The following LPO variants were observed in gnomAD, a reference collection of about 807,000 sequenced individuals.
LPO encodes the protein salivary peroxidase.
In LPO, 70 loss-of-function variants were observed where a neutral mutation model predicts 68.4. That is an observed-to-expected ratio of 1.02 (90% CI 0.84 to 1.25). The LOEUF (loss-of-function observed/expected upper bound fraction) is 1.25. Among genes scored for constraint, LPO ranks in the 50% most tolerant of loss-of-function variants. The pLI is 0.00. For missense variants in LPO, 873 were observed against 908.4 expected (o/e 0.96, Z 0.50); for synonymous variants, 360 against 357.6 (o/e 1.01, Z -0.08).
chr17:58,246,835 T>G (rs943243503), intron 3 of LPO, among the ~76,000 whole-genome samples: 1 of 152,172 alleles, frequency 6.6e-6, no homozygotes, highest in African/African-American at 2.4e-5. Flanking sequence ...TGAATCGAAC[T>G]GTAGAAAACA....
chr17:58,254,439 A>G (rs889390091), intron 8 of LPO: 1 of 157,462 alleles, frequency 6.4e-6, no homozygotes, highest in Non-Finnish European at 1.4e-5. Flanking sequence ...CATTCATTCG[A>G]AGCTCCCCTT....
chr17:58,255,058 C>G (rs998732342), intron 9 of LPO, 87 bp downstream of exon 9: 21 of 1,427,656 alleles, frequency 1.5e-5, no homozygotes, highest in East Asian at 7.0e-5. Context: ...GCCTCAGGCT[C>G]TCTCCTCTGT....
chr17:58,251,235 C>T (rs911017458), intron 7 of LPO: 4 of 154,094 alleles, frequency 2.6e-5, no homozygotes, highest in Admixed American at 6.4e-5. Flanking sequence ...GCCGAGATCA[C>T]GCCACTGCAC....
In LPO at chr17:58,264,886, C is replaced by T. The variant is rs190090712; in HGVS notation, c.1431C>T (p.Arg477=). ...GHLEVPSSMF[R]LDENYQPWGP... ...TGGAGGTCCCCTCTAGTATGTTCCG[C>T]CTGGATGAGAATTATCAGCCATGGG... The change falls in exon 10 of 13, where the codon CGC becomes CGT. Residue 477 remains arginine (R), a synonymous_variant. Transcript: ENST00000262290. 14 of 1,614,248 alleles carry T rather than the reference C, an allele frequency of 8.7e-6. No homozygotes were observed. Among genetic ancestry groups the T allele is most frequent in the East Asian group, 2.2e-5 (1 of 44,892 alleles).
In LPO at chr17:58,266,236, C is replaced by T. The variant is rs372987674; in HGVS notation, c.1603C>T (p.Arg535Cys). Residue 535 changes from arginine (R) to cysteine (C), a missense_variant, in exon 11 of 13, where the codon CGC becomes TGC. Physicochemically the swap from Arg to Cys is radical, Grantham distance 180. Transcript: ENST00000262290. ...KQNKMMTGEL[R>C]NKLFQPTHRI... Reference sequence around the variant, plus strand: ...GAATAAAATGATGACTGGAGAGCTGCGCAACAAGCTTTTCCAGCCAACTCA... The same window carrying T: ...GAATAAAATGATGACTGGAGAGCTGTGCAACAAGCTTTTCCAGCCAACTCA... 5.9e-5 allele frequency: 95 copies of T among 1,613,992 alleles called. No homozygotes were observed. The highest frequency in any genetic ancestry group is 6.9e-5 in the Non-Finnish European group (81 of 1,180,032).
intron 9 of LPO, among the ~76,000 whole-genome samples, chr17:58,263,088 A>T (rs975755401): frequency 6.6e-6 from 1 of 152,016 alleles, no homozygotes. Flanking sequence ...CTCCAATTCT[A>T]TCCTCTGTCA....
At position 58,253,045 on chromosome 17, in the gene LPO, AAAAG is replaced by A. The variant is rs1555605178; in HGVS notation, c.1105+555_1105+558del. On this transcript the variant is annotated intron_variant, in intron 8 of 12. Transcript: ENST00000262290. ...CTCAAAAAAAAAAAAAAAAAAAAAA[AAAAG>A]AAAGAAAGAAAGAAAAGAAAAGAAA... Among the ~76,000 whole-genome samples, 11 of 145,750 alleles carry A rather than the reference AAAAG, an allele frequency of 7.5e-5. No individual in the cohort carries two copies. The East Asian group carries it at 9.7e-4, about 13-fold the overall frequency.
rs1970038997 is a variant in LPO at position 58,254,828 on chromosome 17, G to C, written c.1123G>C (p.Glu375Gln). The change falls in exon 9 of 13, where the codon GAG (glutamate) becomes CAG (glutamine). Residue 375 changes from glutamate to glutamine, a missense_variant. Transcript: ENST00000262290. ...CFLAGDSRAS[E>Q]HILLATSHTL... ...GCTTTCAGGAGATTCTCGAGCCTCA[G>C]AGCATATTCTGCTGGCCACATCCCA... 1.4e-5 allele frequency: 22 copies of C among 1,614,072 alleles called. No individual in the cohort carries two copies. Among genetic ancestry groups the C allele is most frequent in the Non-Finnish European group, 1.9e-5 (22 of 1,179,982 alleles).
At chr17:58,256,024 C>G (rs1970063653) in intron 9 of LPO, among the ~76,000 whole-genome samples, 1 of 152,126 alleles carries the variant, frequency 6.6e-6, no homozygotes, top group Non-Finnish European at 1.5e-5. Flanking sequence ...CCCCTATATC[C>G]CTAACCCCTG....
chr17:58,241,395 G>C (rs561934984), intron 1 of LPO, among the ~76,000 whole-genome samples: 2 of 152,256 alleles, frequency 1.3e-5, no homozygotes, highest in African/African-American at 4.8e-5. Context: ...ACAGGCATGA[G>C]CCACCACACC....
intron 10 of LPO, among the ~76,000 whole-genome samples, chr17:58,265,732 A>C (rs1211422498): frequency 1.3e-5 from 2 of 149,674 alleles, no homozygotes; most frequent in African/African-American, 4.9e-5. Flanking sequence ...CAAGGCACAC[A>C]CCCCCATACC....
intron 8 of LPO, 138 bp downstream of exon 8, chr17:58,252,644 G>T (rs1285085082): frequency 2.5e-6 from 2 of 787,644 alleles, no homozygotes; most frequent in Non-Finnish European, 2.0e-6. Context: ...TCCAGGACTA[G>T]CAGAAGGGCC....
In LPO at chr17:58,250,440, T is replaced by C. The variant is rs1389421456; in HGVS notation, c.599T>C (p.Val200Ala). ...GCCCGGGAGGTATCTAACAAGATTG[T>C]TGGCTATCTGAATGAGGAGGGTGTT... ...PLAREVSNKI[V>A]GYLNEEGVLD... The change falls in exon 7 of 13, where the codon GTT becomes GCT. Residue 200 changes from valine (V) to alanine (A), a missense_variant. Val to Ala is a moderately conservative substitution (Grantham distance 64). Transcript: ENST00000262290. The C allele has an allele frequency of 3.7e-6, 6 of 1,614,192 alleles. No individual in the cohort carries two copies. The highest frequency in any genetic ancestry group is 1.3e-5 in the African/African-American group (1 of 75,052).
chr17:58,252,613 C>A, intron 8 of LPO, 107 bp downstream of exon 8: 1 of 1,104,552 alleles, frequency 9.1e-7, no homozygotes, highest in Non-Finnish European at 1.3e-6. Context: ...CACACTGAGC[C>A]ATTGCTGTCC....
intron 2 of LPO, chr17:58,243,260 T>C: frequency 1.8e-6 from 1 of 552,484 alleles, no homozygotes; most frequent in Non-Finnish European, 3.2e-6. Flanking sequence ...CCTGGTATCC[T>C]TGGTGTTCCC....
At chr17:58,250,887 G>A in intron 7 of LPO, 1 of 482,570 alleles carries the variant, frequency 2.1e-6, no homozygotes, top group Non-Finnish European at 3.8e-6. Flanking sequence ...GCCAGTGTGG[G>A]AATTGGACAA....
chr17:58,253,045 A>G (rs1476340356), intron 8 of LPO, among the ~76,000 whole-genome samples: 151 of 145,682 alleles, frequency 1.0e-3, no homozygotes, highest in African/African-American at 2.5e-3. Context: ...AAAAAAAAAA[A>G]AAAGAAAGAA....
At chr17:58,254,152 T>TATAGATAGATAGATAGATAGATAGATAG (rs34548791) in intron 8 of LPO, among the ~76,000 whole-genome samples, 5 of 133,322 alleles carry the variant, frequency 3.8e-5, no homozygotes, top group African/African-American at 5.9e-5. Context: ...TATATAGATA[T>TATAGATAGATAGATAGATAGATAGATAG]ATAGATAGAT....
chr17:58,250,702 A>G (rs191825908), intron 7 of LPO, 81 bp downstream of exon 7: 57 of 1,400,320 alleles, frequency 4.1e-5, no homozygotes, highest in Admixed American at 3.0e-4. Flanking sequence ...ATCAGCTAGG[A>G]TCTCTGGATA....
Sources: allele counts gnomAD v4.1 joint callset (sites outside exome capture counted in the v4.1 genomes callset), GRCh38; gene constraint gnomAD v4.1.1; transcripts MANE v1.5; gene names NCBI Gene and HGNC (gene_info 2026-07-23, HGNC 2026-07-21).